RBFOX1: variants seen among roughly 807,000 people sequenced by gnomAD.
RBFOX1 encodes RNA binding fox-1 homolog 1, also known as RNA binding protein fox-1 homolog 1.
Under a neutral mutation model 57.7 loss-of-function variants are expected in RBFOX1, and 8 were observed. That is an observed-to-expected ratio of 0.14 (90% CI 0.08 to 0.25). RBFOX1 has a LOEUF of 0.25. Ranked by LOEUF, RBFOX1 falls within the 10% of genes least tolerant of loss-of-function variation. The pLI, the probability that RBFOX1 is intolerant of heterozygous loss-of-function variation, is 1.00. For synonymous variants in RBFOX1, 326 were observed against 222.4 expected, an observed-to-expected ratio of 1.47 and a Z score of -4.15; for missense variants, 611 against 548.5, an observed-to-expected ratio of 1.11 and a Z score of -1.14.
intron 2 of RBFOX1, among the ~76,000 whole-genome samples, chr16:6,552,028 A>T (rs1307127923): frequency 4.6e-5 from 7 of 152,166 alleles, no homozygotes; most frequent in African/African-American, 7.2e-5. Context: ...GCAGGAGAGG[A>T]AAGGATGAAT....
At chr16:6,495,213 G>C (rs891783273) in intron 2 of RBFOX1, among the ~76,000 whole-genome samples, 14 of 152,128 alleles carry the variant, frequency 9.2e-5, no homozygotes, top group Non-Finnish European at 1.8e-4. Context: ...CTGCCTCCCG[G>C]ATTCAAGCGA....
At chr16:5,774,495 A>G (rs1436394) in intron 3 of RBFOX1, among the ~76,000 whole-genome samples, 37,505 of 152,142 alleles carry the variant, frequency 0.25, 5,476 homozygotes, top group East Asian at 0.55. Flanking sequence ...GCTTTCTTCA[A>G]TCTATTTCAA....
chr16:7,263,912 A>ATG (rs2153080509), intron 4 of RBFOX1, among the ~76,000 whole-genome samples: 1 of 135,024 alleles, frequency 7.4e-6, no homozygotes, highest in South Asian at 2.4e-4. Flanking sequence ...AAATATATAT[A>ATG]TATAAATTAA....
rs370342986 is a variant in RBFOX1, at chr16:7,630,564, A to G, written c.677-39A>G. On this transcript the variant is annotated intron_variant, in intron 10 of 15. Coordinates refer to ENST00000550418, the MANE Select transcript of RBFOX1 (RefSeq NM_018723.4). ...GTGATCTCTCAGGTGTAGTGTACCGATTCCCAAACCAGATACCATCTCTCT... is the reference window on the plus strand; with the variant it reads ...GTGATCTCTCAGGTGTAGTGTACCGGTTCCCAAACCAGATACCATCTCTCT... 115 of 1,612,484 alleles carry G rather than the reference A, an allele frequency of 7.1e-5. No homozygotes were observed. The African/African-American group carries it at 1.4e-3, about 19-fold the overall frequency.
At chr16:6,916,975 A>G (rs1287968139) in intron 3 of RBFOX1, among the ~76,000 whole-genome samples, 2 of 151,984 alleles carry the variant, frequency 1.3e-5, no homozygotes, top group Non-Finnish European at 2.9e-5. Context: ...TCAGCCTCCC[A>G]AGTAGGTAGG....
chr16:6,512,807 G>C (rs1293780031), intron 2 of RBFOX1, among the ~76,000 whole-genome samples: 5 of 152,282 alleles, frequency 3.3e-5, no homozygotes, highest in Admixed American at 1.3e-4. Flanking sequence ...CTTAGCCACA[G>C]CCAAGCCTAA....
chr16:7,503,692 A>T (rs989722146), intron 4 of RBFOX1, among the ~76,000 whole-genome samples: 1 of 152,180 alleles, frequency 6.6e-6, no homozygotes, highest in African/African-American at 2.4e-5. Context: ...CTTCCCGCAT[A>T]CCCAGGAGGT....
chr16:6,726,381 TA>T (rs2067178555), intron 3 of RBFOX1, among the ~76,000 whole-genome samples: 1 of 143,956 alleles, frequency 6.9e-6, no homozygotes, highest in Admixed American at 7.4e-5. Flanking sequence ...TAAATAAAAA[TA>T]AAACGCTATT....
At chr16:5,629,950 C>T (rs1398209210) in intron 3 of RBFOX1, among the ~76,000 whole-genome samples, 1 of 152,176 alleles carries the variant, frequency 6.6e-6, no homozygotes, top group Non-Finnish European at 1.5e-5. Context: ...GCTCATCTCA[C>T]AGGAGAGCTC....
intron 4 of RBFOX1, among the ~76,000 whole-genome samples, chr16:7,156,501 A>C (rs1159942656): frequency 1.3e-5 from 2 of 152,146 alleles, no homozygotes; most frequent in African/African-American, 4.8e-5. Context: ...ATGTGTGCAT[A>C]TACATGTACA....
intron 3 of RBFOX1, among the ~76,000 whole-genome samples, chr16:6,934,875 C>T (rs1297792642): frequency 6.6e-6 from 1 of 152,032 alleles, no homozygotes; most frequent in East Asian, 1.9e-4. Flanking sequence ...GACTTGAGCT[C>T]AGGAGTTTGA....
At position 7,400,980 on chromosome 16, in the gene RBFOX1, G is replaced by A. The variant is rs140009243; in HGVS notation, c.28-117167G>A. Among the ~76,000 whole-genome samples, 155 of 152,246 alleles carry A rather than the reference G, an allele frequency of 1.0e-3. 1 individual carries two copies. Among genetic ancestry groups the A allele is most frequent in the Non-Finnish European group, 8.8e-4 (60 of 68,020 alleles). On this transcript the variant is annotated intron_variant, in intron 4 of 15. Transcript: ENST00000550418. Reference sequence around the variant, plus strand: ...CTAATATGTTACCCTGCCAACCTTGGAACCCCGCATGAAACTCAGGAATGT... The same window carrying A: ...CTAATATGTTACCCTGCCAACCTTGAAACCCCGCATGAAACTCAGGAATGT...
chr16:5,343,298 G>GTTTTTTTTTTTTTTTTTTTTT (rs33934959), intron 1 of RBFOX1, among the ~76,000 whole-genome samples: 6 of 109,950 alleles, frequency 5.5e-5, no homozygotes, highest in East Asian at 3.0e-4. Context: ...CTTCTTTGAA[G>GTTTTTTTTTTTTTTTTTTTTT]TTTTTTTTTT....
At chr16:6,994,136 T>C (rs1362661458) in intron 3 of RBFOX1, among the ~76,000 whole-genome samples, 2 of 152,076 alleles carry the variant, frequency 1.3e-5, no homozygotes, top group Non-Finnish European at 2.9e-5. Flanking sequence ...AGTTTGGGAA[T>C]TGCGCTTGGG....
intron 3 of RBFOX1, among the ~76,000 whole-genome samples, chr16:6,989,255 T>G (rs2153607358): frequency 6.6e-6 from 1 of 152,316 alleles, no homozygotes; most frequent in Middle Eastern, 3.4e-3. Context: ...ATTGCTTGCA[T>G]TATTTTTCTC....
At chr16:6,954,978 C>T (rs550036495) in intron 3 of RBFOX1, among the ~76,000 whole-genome samples, 1 of 151,648 alleles carries the variant, frequency 6.6e-6, no homozygotes, top group Non-Finnish European at 1.5e-5. Flanking sequence ...TGCCCATAAT[C>T]TGAGTACTTT....
intron 3 of RBFOX1, among the ~76,000 whole-genome samples, chr16:5,707,390 G>A (rs1181604313): frequency 6.6e-6 from 1 of 152,192 alleles, no homozygotes; most frequent in Non-Finnish European, 1.5e-5. Flanking sequence ...TTTTCTCAGA[G>A]CTGAAGTGTC....
intron 1 of RBFOX1, among the ~76,000 whole-genome samples, chr16:5,264,142 A>G (rs1232738818): frequency 2.0e-5 from 3 of 152,090 alleles, no homozygotes; most frequent in Non-Finnish European, 2.9e-5. Context: ...AGAAGTTTAG[A>G]GGGATGAGGA....
At position 6,184,040 on chromosome 16, in the gene RBFOX1, A is replaced by G. The variant is rs1201544752; in HGVS notation, c.-126-132955A>G. Among the ~76,000 whole-genome samples, 3 of 152,180 alleles carry G rather than the reference A, an allele frequency of 2.0e-5. No homozygotes were observed. In the East Asian group the frequency reaches 5.8e-4, roughly 29 times the overall value. ...GACCGCACAATCGTGCCAGAAGGCA[A>G]AAGGCATGTTTTACATGGTGGCAGG... On this transcript the variant is annotated intron_variant, in intron 1 of 15. Coordinates refer to ENST00000550418, the MANE Select transcript of RBFOX1 (RefSeq NM_018723.4).
Sources: gnomAD v4.1 joint callset for allele counts (sites outside exome capture counted in the v4.1 genomes callset) on GRCh38, gnomAD v4.1.1 for gene constraint, MANE v1.5 for transcripts, NCBI Gene and HGNC (gene_info 2026-07-23, HGNC 2026-07-21) for gene names.